The following MELTF variants were observed in gnomAD, a reference collection of about 807,000 sequenced individuals.
MELTF encodes the protein antigen p97 (melanoma associated) identified by monoclonal antibodies 133.2 and 96.5.
In MELTF, 67 loss-of-function variants were observed where a neutral mutation model predicts 83.7. The ratio of observed to expected loss-of-function variants is 0.80; its 90% CI spans 0.66 to 0.98. MELTF has a LOEUF of 0.98. MELTF is among the 50% of genes least tolerant of loss of function. MELTF has a pLI of 0.00. For missense variants in MELTF, 1,002 were observed against 1,035.6 expected (o/e 0.97, Z 0.44); for synonymous variants, 462 against 447.6 (o/e 1.03, Z -0.41).
chr3:197,009,274 G>A (rs1360413483), intron 11 of MELTF, among the ~76,000 whole-genome samples: 1 of 152,198 alleles, frequency 6.6e-6, no homozygotes, highest in Admixed American at 6.5e-5. Flanking sequence ...CCAGCTGTCT[G>A]GGAGTGGGAG....
chr3:197,021,062 C>T (rs1719604864), intron 6 of MELTF, among the ~76,000 whole-genome samples: 1 of 152,210 alleles, frequency 6.6e-6, no homozygotes, highest in African/African-American at 2.4e-5. Flanking sequence ...AGGTGAGATC[C>T]AGTGCAGGGG....
At chr3:197,010,068 C>A (rs1408010662) in intron 10 of MELTF, among the ~76,000 whole-genome samples, 1 of 152,246 alleles carries the variant, frequency 6.6e-6, no homozygotes, top group African/African-American at 2.4e-5. Context: ...TCCTTCCCCA[C>A]AGGGGCTTCT....
At chr3:197,015,179 C>A (rs374866501) in intron 9 of MELTF, among the ~76,000 whole-genome samples, 186 bp downstream of exon 9, 4 of 152,160 alleles carry the variant, frequency 2.6e-5, no homozygotes, top group Non-Finnish European at 5.9e-5. Context: ...CGCTCCTCCC[C>A]GCCTGTCTCT....
chr3:197,018,171 G>A (rs1305277891), intron 6 of MELTF, among the ~76,000 whole-genome samples: 6 of 151,916 alleles, frequency 3.9e-5, no homozygotes, highest in African/African-American at 1.5e-4. Context: ...TTTTTGAGAC[G>A]GAGTCTGGCC....
In MELTF at chr3:197,013,484, C is replaced by T. The variant is rs374661182; in HGVS notation, c.1233+1881G>A. On this transcript the variant is annotated intron_variant, in intron 9 of 15. Coordinates refer to ENST00000296350, the MANE Select transcript of MELTF (RefSeq NM_005929.6). ...GAGAAAAGATTTTATGAAAAGACCTCGAAAGCATAGGCAACAAAAGCAATA... is the reference window on the plus strand; with the variant it reads ...GAGAAAAGATTTTATGAAAAGACCTTGAAAGCATAGGCAACAAAAGCAATA... 2.6e-5 allele frequency among the ~76,000 whole-genome samples: 4 copies of T among 152,168 alleles called. No individual in the cohort carries two copies. In the South Asian group the frequency reaches 8.3e-4, roughly 32 times the overall value.
intron 9 of MELTF, 115 bp downstream of exon 9, chr3:197,015,250 G>A: frequency 8.0e-7 from 1 of 1,253,376 alleles, no homozygotes; most frequent in Non-Finnish European, 1.1e-6. Flanking sequence ...CTGTGGGCTT[G>A]TTGCAGTAGA....
In MELTF at chr3:197,022,530, C is replaced by T. The variant is rs867731259; in HGVS notation, c.644+427G>A. Among the ~76,000 whole-genome samples, 4 of 152,106 alleles carry T rather than the reference C, an allele frequency of 2.6e-5. No individual in the cohort carries two copies. The highest frequency in any genetic ancestry group is 2.1e-4 in the South Asian group (1 of 4,820). On this transcript the variant is annotated intron_variant, in intron 5 of 15. Transcript: ENST00000296350. The surrounding 1 kb of genome is among the most constrained non-coding windows in gnomAD (Gnocchi z 5.1). ...TCCTCTGCAGGCAGATGGAATTGGA[C>T]CACGAGCTGTTAGAGTCTCCTGCAT...
In MELTF at chr3:197,003,374, A is replaced by G; in HGVS notation, c.2215T>C (p.Ter739ArgextTer92). Residue 739 changes from the stop codon to arginine (R), a stop_lost, in exon 16 of 16, where the codon TGA becomes CGA. Coordinates refer to ENST00000296350, the MANE Select transcript of MELTF (RefSeq NM_005929.6). The surrounding 1 kb of genome is among the most constrained non-coding windows in gnomAD (Gnocchi z 6.2). ...GCTCTGGGGCGGGGCGGCCGGGCTC[A>G]GAGGGCGGGCGGGAGCAGGCGGGCG... ...LAARLLPPAL[*>R] 1 of 1,045,152 alleles carries G rather than the reference A, an allele frequency of 9.6e-7. No homozygotes were observed. The highest frequency in any genetic ancestry group is 1.8e-5 in the African/African-American group (1 of 56,916). The allele number at this position is 1,045,152 out of a possible 1,614,324, so 64.7% of individuals were successfully genotyped here. A position where few individuals can be genotyped will look rare whatever the true frequency, so the allele number is the denominator to read the frequency against.
chr3:197,009,718 G>C lies in MELTF; in HGVS notation c.1425C>G (p.Ser475=). 1 of 1,613,682 alleles carries C rather than the reference G, an allele frequency of 6.2e-7. No homozygotes were observed. Among genetic ancestry groups the C allele is most frequent in the Non-Finnish European group, 8.5e-7 (1 of 1,180,042 alleles). ...FTLDELRGKR[S]CHAGFGSPAG... ...CAGGGCTGCCGAAACCGGCGTGGCA[G>C]GAGCGCTTGCCCCGAAGCTCATCCA... Residue 475 remains serine, a synonymous_variant, in exon 11 of 16, where the codon TCC becomes TCG. Transcript: ENST00000296350.
intron 9 of MELTF, 55 bp from the exon 10 acceptor site, chr3:197,010,849 T>C: frequency 6.5e-7 from 1 of 1,530,356 alleles, no homozygotes; most frequent in Non-Finnish European, 9.0e-7. Context: ...TGGCTCTGGA[T>C]GTCGGGGTCC....
intron 7 of MELTF, among the ~76,000 whole-genome samples, chr3:197,016,634 C>T (rs750501071): frequency 5.9e-5 from 9 of 152,232 alleles, no homozygotes; most frequent in Non-Finnish European, 1.0e-4. Flanking sequence ...AGGCATGGGA[C>T]GGTCCTGAGG....
rs1457513841 is a variant in MELTF at position 197,029,681 on chromosome 3, G to A, written c.22C>T (p.Leu8=). 2.4e-6 allele frequency: 3 copies of A among 1,246,610 alleles called. No homozygotes were observed. The highest frequency in any genetic ancestry group is 3.8e-5 in the South Asian group (1 of 26,632). The allele number at this position is 1,246,610 out of a possible 1,614,324, so 77.2% of individuals were successfully genotyped here. A position where few individuals can be genotyped will look rare whatever the true frequency, so the allele number is the denominator to read the frequency against. The change falls in exon 1 of 16, where the codon CTG becomes TTG. Residue 8 remains leucine (L), a synonymous_variant. Coordinates refer to ENST00000296350, the MANE Select transcript of MELTF (RefSeq NM_005929.6). The surrounding 1 kb of genome is among the most constrained non-coding windows in gnomAD (Gnocchi z 6.5). ...GTGCGCAGAGCCAGGAGCAGCCACAGAGCCCCGCTCGGACCCCGCATGGCG... is the reference window on the plus strand; with the variant it reads ...GTGCGCAGAGCCAGGAGCAGCCACAAAGCCCCGCTCGGACCCCGCATGGCG... MRGPSGA[L]WLLLALRTVL...
intron 6 of MELTF, chr3:197,019,562 A>AC (rs759215120): frequency 3.2e-6 from 5 of 1,573,048 alleles, no homozygotes; most frequent in East Asian, 2.3e-5. Context: ...ACATGGTGAG[A>AC]CCCCCATCTC....
rs139464354 is a variant in MELTF at position 197,009,702 on chromosome 3, C to A, written c.1441G>T (p.Gly481Cys). The part of the protein sequence containing the change: ...RGKRSCHAGF[G>C]SPAGWDVPVG... ...GGGACATCCCAGCCTGCAGGGCTGC[C>A]GAAACCGGCGTGGCAGGAGCGCTTG... The change falls in exon 11 of 16, where the codon GGC becomes TGC. Residue 481 changes from glycine to cysteine, a missense_variant. Physicochemically the swap from Gly to Cys is radical, Grantham distance 159. Transcript: ENST00000296350. 13 of 1,613,654 alleles carry A rather than the reference C, an allele frequency of 8.1e-6. No individual in the cohort carries two copies. Among genetic ancestry groups the A allele is most frequent in the Admixed American group, 3.3e-5 (2 of 60,014 alleles).
chr3:197,006,615 G>C lies in MELTF; in HGVS notation c.1872C>G (p.Pro624=). 1 of 1,613,476 alleles carries C rather than the reference G, an allele frequency of 6.2e-7. No individual in the cohort carries two copies. Among genetic ancestry groups the C allele is most frequent in the South Asian group, 1.1e-5 (1 of 91,042 alleles). The part of the protein sequence containing the change: ...FAACNLAQIP[P]HAVMVRPDTN... ...TGTCGGGCCGGACCATCACGGCGTGGGGTGGTATCTGTGCCAGGTTGCAGG... is the reference window on the plus strand; with the variant it reads ...TGTCGGGCCGGACCATCACGGCGTGCGGTGGTATCTGTGCCAGGTTGCAGG... Residue 624 remains proline, a synonymous_variant, in exon 14 of 16, where the codon CCC becomes CCG. Coordinates refer to ENST00000296350, the MANE Select transcript of MELTF (RefSeq NM_005929.6). The surrounding 1 kb of genome is among the most constrained non-coding windows in gnomAD (Gnocchi z 5.4).
rs1327873712 is a variant in MELTF at position 197,009,824 on chromosome 3, G to C, written c.1331-12C>G. The stretch of plus-strand genomic sequence containing the variant: ...GCTGCTGTCTTCCGCTGGGGAGAGA[G>C]GGACTCACGTGAGGGGCCCCTCATC... On this transcript the variant is annotated splice_polypyrimidine_tract_variant and intron_variant, in intron 10 of 15. Transcript: ENST00000296350. 3 of 1,603,250 alleles carry C rather than the reference G, an allele frequency of 1.9e-6. No homozygotes were observed. Among genetic ancestry groups the C allele is most frequent in the Non-Finnish European group, 2.6e-6 (3 of 1,171,924 alleles).
rs777237082 is a variant in MELTF at position 197,021,488 on chromosome 3, G to C, written c.645-17C>G. ...GCCAGGCACCTGCGGAGGAGAAGCT[G>C]TGGGTCTGGATGGGCTGAGCCCCTG... On this transcript the variant is annotated splice_polypyrimidine_tract_variant and intron_variant, in intron 5 of 15. Transcript: ENST00000296350. 2 of 1,612,766 alleles carry C rather than the reference G, an allele frequency of 1.2e-6. No individual in the cohort carries two copies. Among genetic ancestry groups the C allele is most frequent in the East Asian group, 2.2e-5 (1 of 44,882 alleles).
At position 197,002,410 on chromosome 3, in the gene MELTF, G is replaced by T. The variant is rs1307316769; in HGVS notation, c.*962C>A. 6.6e-6 allele frequency: 1 copy of T among 152,318 alleles called. No individual in the cohort carries two copies. Among genetic ancestry groups the T allele is most frequent in the African/African-American group, 2.4e-5 (1 of 41,470 alleles). 9.4% of individuals were successfully genotyped at this position (152,318 alleles called of 1,614,324 possible). On this transcript the variant is annotated 3_prime_UTR_variant, in exon 16 of 16. Transcript: ENST00000296350. Reference sequence around the variant, plus strand: ...TGGAGTAGAGAGAGGCCCCGGCCGGGCGCTTTCTGCTGCCTCGCGGAGGGG... The same window carrying T: ...TGGAGTAGAGAGAGGCCCCGGCCGGTCGCTTTCTGCTGCCTCGCGGAGGGG...
At chr3:197,019,706 C>G (rs1175770456) in intron 6 of MELTF, 7 of 1,613,872 alleles carry the variant, frequency 4.3e-6, no homozygotes, top group Non-Finnish European at 5.9e-6. Flanking sequence ...GCTTGCCCAG[C>G]ACTAGAGCGC....
Sources: allele counts gnomAD v4.1 joint callset (sites outside exome capture counted in the v4.1 genomes callset), GRCh38; gene constraint gnomAD v4.1.1; non-coding constraint Gnocchi (gnomAD v3.1); transcripts MANE v1.5; gene names NCBI Gene and HGNC (gene_info 2026-07-23, HGNC 2026-07-21).